Variants in RBPMS observed in about 807,000 individuals in gnomAD.
The protein encoded by RBPMS is RNA binding protein, mRNA processing factor.
A neutral mutation model predicts 26.8 loss-of-function variants in RBPMS; 7 were observed. The ratio of observed to expected loss-of-function variants is 0.26; its 90% CI spans 0.15 to 0.49. The LOEUF is 0.49. Among genes scored for constraint, RBPMS ranks in the 20% least tolerant of loss-of-function variants. RBPMS has a pLI of 0.98. For synonymous variants in RBPMS, 96 were observed against 93.3 expected (o/e 1.03, Z -0.17); for missense variants, 186 against 250.0 (o/e 0.74, Z 1.73).
At chr8:30,561,009 T>G (rs1198726013) in intron 7 of RBPMS, among the ~76,000 whole-genome samples, 2 of 152,204 alleles carry the variant, frequency 1.3e-5, no homozygotes, top group African/African-American at 4.8e-5. Flanking sequence ...AAATTACATG[T>G]CGTGTGTGTG....
chr8:30,411,997 A>G (rs1055106981), intron 1 of RBPMS, among the ~76,000 whole-genome samples: 4 of 139,912 alleles, frequency 2.9e-5, no homozygotes, highest in African/African-American at 5.2e-5. Context: ...AAAAAAAAAA[A>G]AAAACAAAAA....
intron 6 of RBPMS, chr8:30,549,375 AACG>A (rs1826110602): frequency 2.6e-6 from 2 of 781,730 alleles, no homozygotes; most frequent in African/African-American, 3.4e-5. Context: ...CTATCCGGAA[AACG>A]ACAGCTTTGA....
At chr8:30,468,699 C>A (rs1816774955) in intron 1 of RBPMS, among the ~76,000 whole-genome samples, 1 of 152,144 alleles carries the variant, frequency 6.6e-6, no homozygotes, top group Admixed American at 6.5e-5. Context: ...CAAATAACAG[C>A]CTTCAAACTC....
intron 5 of RBPMS, among the ~76,000 whole-genome samples, chr8:30,507,696 A>G (rs943360826): frequency 1.3e-5 from 2 of 152,240 alleles, no homozygotes; most frequent in Non-Finnish European, 2.9e-5. Context: ...AGAATTATAA[A>G]TTACATTAAA....
chr8:30,472,311 G>T (rs1817207195), intron 1 of RBPMS, among the ~76,000 whole-genome samples: 1 of 152,164 alleles, frequency 6.6e-6, no homozygotes, highest in African/African-American at 2.4e-5. Context: ...AGATGAAAAG[G>T]GTACATACTC....
chr8:30,518,362 A>G (rs1252228633), intron 5 of RBPMS, among the ~76,000 whole-genome samples: 3 of 152,000 alleles, frequency 2.0e-5, no homozygotes, highest in African/African-American at 7.3e-5. Flanking sequence ...AGAATCCAGG[A>G]CCTCGAGGTT....
At chr8:30,487,877 G>A (rs1057262005) in intron 4 of RBPMS, among the ~76,000 whole-genome samples, 1 of 151,916 alleles carries the variant, frequency 6.6e-6, no homozygotes, top group Non-Finnish European at 1.5e-5. Context: ...AGTTTCAGTA[G>A]ATAACATTTT....
At chr8:30,449,371 T>C (rs1162492497) in intron 1 of RBPMS, among the ~76,000 whole-genome samples, 1 of 36,418 alleles carries the variant, frequency 2.7e-5, no homozygotes, top group African/African-American at 1.1e-4. Flanking sequence ...CATCTCCTCT[T>C]TTTTTTTTTT....
intron 1 of RBPMS, among the ~76,000 whole-genome samples, chr8:30,410,172 A>AC (rs1475549555): frequency 6.6e-6 from 1 of 150,566 alleles, no homozygotes; most frequent in South Asian, 2.1e-4. Context: ...ACACACACAC[A>AC]CACACACACA....
At chr8:30,422,329 G>T (rs935117774) in intron 1 of RBPMS, among the ~76,000 whole-genome samples, 2 of 151,992 alleles carry the variant, frequency 1.3e-5, no homozygotes, top group African/African-American at 4.8e-5. Context: ...GGCCAGGCTG[G>T]TCTTGAACTC....
At chr8:30,511,486 A>T (rs981829976) in intron 5 of RBPMS, among the ~76,000 whole-genome samples, 349 of 23,342 alleles carry the variant, frequency 0.015, 5 homozygotes, top group African/African-American at 0.055. Context: ...AAAAAAAAAA[A>T]ATATATATAT....
At chr8:30,477,721 A>T (rs900562443) in intron 2 of RBPMS, 78 bp from the exon 3 acceptor site, 5 of 1,023,426 alleles carry the variant, frequency 4.9e-6, no homozygotes, top group African/African-American at 3.2e-5. Flanking sequence ...GGTAATCAAT[A>T]AAGAACTTAT....
intron 5 of RBPMS, among the ~76,000 whole-genome samples, chr8:30,506,192 A>G (rs1470063181): frequency 6.6e-6 from 1 of 152,164 alleles, no homozygotes; most frequent in African/African-American, 2.4e-5. Context: ...ACAGGAGAGC[A>G]TAGAAACTGA....
At chr8:30,554,225 C>G (rs1276631556) in intron 6 of RBPMS, among the ~76,000 whole-genome samples, 1 of 152,232 alleles carries the variant, frequency 6.6e-6, no homozygotes, top group Non-Finnish European at 1.5e-5. Flanking sequence ...CATCAGAGCA[C>G]TAGCCGGTTT....
intron 1 of RBPMS, chr8:30,445,457 T>A (rs1001255585): frequency 2.0e-5 from 3 of 152,028 alleles, no homozygotes; most frequent in African/African-American, 7.2e-5. Context: ...GATTATTTTA[T>A]TGGCTTATAT....
intron 1 of RBPMS, among the ~76,000 whole-genome samples, chr8:30,472,191 T>G (rs942520361): frequency 6.6e-6 from 1 of 152,180 alleles, no homozygotes; most frequent in African/African-American, 2.4e-5. Flanking sequence ...CTGTGGTGTA[T>G]CCACACTACA....
At chr8:30,527,803 G>A (rs1823749196) in intron 5 of RBPMS, among the ~76,000 whole-genome samples, 1 of 152,338 alleles carries the variant, frequency 6.6e-6, no homozygotes, top group African/African-American at 2.4e-5. Context: ...GATGGAGAAT[G>A]AGACATATGT....
At chr8:30,509,481 A>G (rs1821367581) in intron 5 of RBPMS, among the ~76,000 whole-genome samples, 1 of 152,206 alleles carries the variant, frequency 6.6e-6, no homozygotes, top group Non-Finnish European at 1.5e-5. Context: ...GAGAGCCTGT[A>G]AAGTATCTCA....
rs1024047711 is a variant in RBPMS, at chr8:30,511,209, G to A, written c.397+6773G>A. Among the ~76,000 whole-genome samples, 12 of 152,026 alleles carry A rather than the reference G, an allele frequency of 7.9e-5. No homozygotes were observed. In the East Asian group the frequency reaches 2.3e-3, roughly 29 times the overall value. ...GCTCACCTGTAATCTCAGCTACTCC[G>A]GAGGCTGAGGCAGAGAATCACTTGA... On this transcript the variant is annotated intron_variant, in intron 5 of 8. Transcript: ENST00000397323.
Sources: gnomAD v4.1 joint callset for allele counts (sites outside exome capture counted in the v4.1 genomes callset) on GRCh38, gnomAD v4.1.1 for gene constraint, MANE v1.5 for transcripts, NCBI Gene and HGNC (gene_info 2026-07-23, HGNC 2026-07-21) for gene names.